Variants in TOP6BL observed in about 807,000 individuals in gnomAD.
TOP6BL encodes TOP6B like initiator of meiotic double strand breaks.
the TOP6BL span, among the ~76,000 whole-genome samples, chr11:66,782,613 G>A: frequency 2.0e-5 from 3 of 152,032 alleles, no homozygotes; most frequent in South Asian, 6.2e-4. Context: ...AGACACCCAG[G>A]GAAATAACAG....
the TOP6BL span, among the ~76,000 whole-genome samples, chr11:66,764,520 C>G: frequency 6.7e-6 from 1 of 149,112 alleles, no homozygotes; most frequent in Admixed American, 6.7e-5. Context: ...AAAAAATTAG[C>G]TGGGGGTGGT....
At chr11:66,763,750 G>A in the TOP6BL span, among the ~76,000 whole-genome samples, 13 of 152,150 alleles carry the variant, frequency 8.5e-5, no homozygotes, top group Non-Finnish European at 1.8e-4. Context: ...GGTCACATGT[G>A]CACACCTCCA....
At chr11:66,841,012 T>C in the TOP6BL span, among the ~76,000 whole-genome samples, 1 of 152,046 alleles carries the variant, frequency 6.6e-6, no homozygotes. Flanking sequence ...CATTGGTACC[T>C]CAGTTTCCTC....
the TOP6BL span, chr11:66,759,214 G>T: frequency 1.6e-6 from 1 of 641,138 alleles, no homozygotes; most frequent in Admixed American, 3.3e-5. Context: ...AAAAATACAG[G>T]ATGCCCACTT....
the TOP6BL span, among the ~76,000 whole-genome samples, chr11:66,773,204 C>T: frequency 6.6e-6 from 1 of 151,648 alleles, no homozygotes; most frequent in Non-Finnish European, 1.5e-5. Flanking sequence ...GGACTATAGG[C>T]CTGCACCACC....
At chr11:66,843,312 G>T in the TOP6BL span, 1 of 1,547,196 alleles carries the variant, frequency 6.5e-7, no homozygotes, top group Non-Finnish European at 8.7e-7. Context: ...TAAAGCTGCC[G>T]CGCGCTCACC....
At chr11:66,825,491 C>T in the TOP6BL span, among the ~76,000 whole-genome samples, 1 of 137,778 alleles carries the variant, frequency 7.3e-6, no homozygotes, top group African/African-American at 2.7e-5. Context: ...AACTCTGTCC[C>T]AACCAAAAAA....
chr11:66,839,229 ATG>A, the TOP6BL span: 1 of 456,032 alleles, frequency 2.2e-6, no homozygotes, highest in Non-Finnish European at 4.4e-6. Context: ...AGCTTTTAAA[ATG>A]TACTAATGCT....
At chr11:66,800,162 T>C in the TOP6BL span, among the ~76,000 whole-genome samples, 2 of 152,182 alleles carry the variant, frequency 1.3e-5, no homozygotes, top group Non-Finnish European at 1.5e-5. Context: ...TGATTTCACT[T>C]ATATGTGGAA....
the TOP6BL span, among the ~76,000 whole-genome samples, chr11:66,787,860 A>G: frequency 6.6e-6 from 1 of 152,244 alleles, no homozygotes; most frequent in Non-Finnish European, 1.5e-5. Context: ...CAGAACTATC[A>G]GTTCTGAAGC....
At chr11:66,796,431 G>A in the TOP6BL span, 14 of 1,215,896 alleles carry the variant, frequency 1.2e-5, no homozygotes, top group African/African-American at 3.0e-5. Flanking sequence ...GACCTTTACT[G>A]TGTAGGACAT....
the TOP6BL span, among the ~76,000 whole-genome samples, chr11:66,786,492 T>C: frequency 6.6e-6 from 1 of 152,318 alleles, no homozygotes; most frequent in South Asian, 2.1e-4. Context: ...AGTCAACCTA[T>C]CTGGATTTGT....
the TOP6BL span, among the ~76,000 whole-genome samples, chr11:66,780,567 T>TTTTA: frequency 2.0e-5 from 3 of 152,050 alleles, no homozygotes; most frequent in East Asian, 5.8e-4. Flanking sequence ...GCTTTATTGT[T>TTTTA]TTTATTTATT....
chr11:66,785,838 A>G, the TOP6BL span, among the ~76,000 whole-genome samples: 2 of 152,138 alleles, frequency 1.3e-5, no homozygotes, highest in Non-Finnish European at 2.9e-5. Flanking sequence ...TCTTAAACCT[A>G]TGAGTGTTAC....
At chr11:66,809,083 T>C in the TOP6BL span, among the ~76,000 whole-genome samples, 1 of 152,194 alleles carries the variant, frequency 6.6e-6, no homozygotes, top group African/African-American at 2.4e-5. Context: ...TAGCTGGGAC[T>C]ACAGGCACCC....
the TOP6BL span, among the ~76,000 whole-genome samples, chr11:66,758,861 T>G: frequency 1.1e-4 from 16 of 152,206 alleles, no homozygotes; most frequent in African/African-American, 3.6e-4. Flanking sequence ...TTATTTTTCC[T>G]CAAAACAGTC....
At chr11:66,761,963 C>T in the TOP6BL span, 2 of 1,562,442 alleles carry the variant, frequency 1.3e-6, no homozygotes, top group Non-Finnish European at 1.8e-6. Flanking sequence ...TCTGCCCTTG[C>T]GAGGGTTCCT....
At chr11:66,807,094 G>C in the TOP6BL span, among the ~76,000 whole-genome samples, 2 of 152,192 alleles carry the variant, frequency 1.3e-5, no homozygotes, top group African/African-American at 4.8e-5. Context: ...GAACAAAGTA[G>C]TAGAGAATGA....
At chr11:66,821,705 C>T in the TOP6BL span, 46 of 1,612,966 alleles carry the variant, frequency 2.9e-5, no homozygotes, top group Non-Finnish European at 3.7e-5. Context: ...CAGTGTAGTG[C>T]AAGGTTCCAT....
Sources: gnomAD v4.1 joint callset for allele counts (sites outside exome capture counted in the v4.1 genomes callset) on GRCh38, gnomAD v4.1.1 for gene constraint, MANE v1.5 for transcripts, NCBI Gene and HGNC (gene_info 2026-07-23, HGNC 2026-07-21) for gene names.